ZDHHC21: variants seen among roughly 807,000 people sequenced by gnomAD.
The protein encoded by ZDHHC21 is zDHHC palmitoyltransferase 21.
ZDHHC21 carries 15 observed loss-of-function variants against 34.6 expected under a neutral mutation model. The ratio of observed to expected loss-of-function variants is 0.43; its 90% CI spans 0.29 to 0.67. The LOEUF (loss-of-function observed/expected upper bound fraction) is 0.67. Among genes scored for constraint, ZDHHC21 ranks in the 30% least tolerant of loss-of-function variants. The pLI, the probability that ZDHHC21 is intolerant of heterozygous loss-of-function variation, is 0.14. For synonymous variants in ZDHHC21, 142 were observed against 101.8 expected (o/e 1.40, Z -2.38); for missense variants, 344 against 327.7 (o/e 1.05, Z -0.38).
intron 7 of ZDHHC21, among the ~76,000 whole-genome samples, chr9:14,640,317 A>T (rs1187071845): frequency 3.3e-5 from 5 of 150,592 alleles, no homozygotes. Flanking sequence ...GGAAAAAAAA[A>T]AAAAAAAAGA....
rs1311986482 is a variant in ZDHHC21, at chr9:14,618,784, A to C, written c.*182T>G. 3.8e-6 allele frequency: 2 copies of C among 522,406 alleles called. No individual in the cohort carries two copies. Among genetic ancestry groups the C allele is most frequent in the African/African-American group, 3.9e-5 (2 of 50,716 alleles). The allele number at this position is 522,406 out of a possible 1,614,324, so 32.4% of individuals were successfully genotyped here. A position where few individuals can be genotyped will look rare whatever the true frequency, so the allele number is the denominator to read the frequency against. ...AACATGCTTTAAAACTTAAATATAG[A>C]TCTTGTATTAGTCCCACAACAGGAT... On this transcript the variant is annotated 3_prime_UTR_variant, in exon 10 of 10. Transcript: ENST00000380916.
chr9:14,609,750 G>A (rs1329802322), downstream of ZDHHC21, among the ~76,000 whole-genome samples: 1 of 152,050 alleles, frequency 6.6e-6, no homozygotes, highest in Non-Finnish European at 1.5e-5. Context: ...AACACGAAAA[G>A]TTCCTTGGTA....
intron 8 of ZDHHC21, chr9:14,622,667 T>G: frequency 1.0e-6 from 1 of 985,210 alleles, no homozygotes; most frequent in Non-Finnish European, 1.2e-6. Flanking sequence ...GGAGAAAGAA[T>G]GTGCTGAAGA....
intron 2 of ZDHHC21, among the ~76,000 whole-genome samples, chr9:14,686,566 G>C (rs1838355163): frequency 6.6e-6 from 1 of 152,100 alleles, no homozygotes; most frequent in Non-Finnish European, 1.5e-5. Flanking sequence ...CTTTTCTATG[G>C]TCCATAGTTA....
chr9:14,685,390 A>G (rs571282048), intron 2 of ZDHHC21, among the ~76,000 whole-genome samples: 8 of 151,296 alleles, frequency 5.3e-5, no homozygotes, highest in East Asian at 1.9e-4. Context: ...AAAAGTGGGC[A>G]AAGGATATGA....
intron 3 of ZDHHC21, among the ~76,000 whole-genome samples, chr9:14,675,863 T>G (rs1836281193): frequency 6.6e-6 from 1 of 151,930 alleles, no homozygotes; most frequent in Admixed American, 6.6e-5. Context: ...GTAAAAGTTA[T>G]CTAAGCAATG....
chr9:14,628,393 A>T (rs1826690059), intron 8 of ZDHHC21, among the ~76,000 whole-genome samples: 1 of 152,182 alleles, frequency 6.6e-6, no homozygotes, highest in Non-Finnish European at 1.5e-5. Flanking sequence ...AATGGTAAAA[A>T]ATTACTGAAA....
rs1231219698 is a variant in ZDHHC21 at position 14,614,364 on chromosome 9, G to A, written c.*4602C>T. 3 of 151,694 alleles carry A rather than the reference G, an allele frequency of 2.0e-5. No homozygotes were observed. 9.4% of individuals were successfully genotyped at this position (151,694 alleles called of 1,614,324 possible). A position where few individuals can be genotyped will look rare whatever the true frequency, so the allele number is the denominator to read the frequency against. ...AGCAGGCAGTATTGTAACATCTGAAGAACTGACAAAGATATAGTGAGTTTT... is the reference window on the plus strand; with the variant it reads ...AGCAGGCAGTATTGTAACATCTGAAAAACTGACAAAGATATAGTGAGTTTT... On this transcript the variant is annotated 3_prime_UTR_variant, in exon 10 of 10. Transcript: ENST00000380916.
chr9:14,603,010 C>A, the ZDHHC21 span, among the ~76,000 whole-genome samples: 2 of 148,118 alleles, frequency 1.4e-5, no homozygotes. Context: ...CTTACAGTCA[C>A]AGAAAACAGG....
chr9:14,620,226 T>A (rs1032758704), intron 8 of ZDHHC21, among the ~76,000 whole-genome samples: 2 of 151,994 alleles, frequency 1.3e-5, no homozygotes, highest in Non-Finnish European at 2.9e-5. Flanking sequence ...GCGGAAAAAA[T>A]AACTTTTTTG....
chr9:14,664,044 C>A lies in ZDHHC21; in HGVS notation c.254-1718G>T, dbSNP rs554216490. ...ATAGGAACAGCTCCGGTCTACAGCT[C>A]CCAGCGTGAGCGACGCAGAAGACGG... On this transcript the variant is annotated intron_variant, in intron 5 of 9. Transcript: ENST00000380916. Among the ~76,000 whole-genome samples, 676 of 151,958 alleles carry A rather than the reference C, an allele frequency of 4.4e-3. 7 individuals are homozygous for A. The highest frequency in any genetic ancestry group is 0.014 in the Middle Eastern group (4 of 292).
intron 8 of ZDHHC21, among the ~76,000 whole-genome samples, chr9:14,634,805 GCA>G (rs1827983746): frequency 6.6e-6 from 1 of 151,912 alleles, no homozygotes; most frequent in Non-Finnish European, 1.5e-5. Flanking sequence ...AGGAAATATG[GCA>G]CTCCAAAGAA....
rs567009584 is a variant in ZDHHC21, at chr9:14,639,381, C to T, written c.621+515G>A. On this transcript the variant is annotated intron_variant, in intron 8 of 9. Coordinates refer to ENST00000380916, the MANE Select transcript of ZDHHC21 (RefSeq NM_178566.6). ...AAGGGTGCATGGGTGGAGCGGGGGA[C>T]GAAGAGAGTGTGGTTAATGGTTATA... Among the ~76,000 whole-genome samples, 9 of 151,836 alleles carry T rather than the reference C, an allele frequency of 5.9e-5. No homozygotes were observed. The East Asian group carries it at 7.7e-4, about 13-fold the overall frequency.
At chr9:14,606,456 T>A (rs1391697682), downstream of ZDHHC21, among the ~76,000 whole-genome samples, 1 of 152,200 alleles carries the variant, frequency 6.6e-6, no homozygotes, top group Non-Finnish European at 1.5e-5. Flanking sequence ...ACAGCCAGCA[T>A]CAACCATCAG....
chr9:14,663,959 T>G (rs930685122), intron 5 of ZDHHC21, among the ~76,000 whole-genome samples: 1 of 152,158 alleles, frequency 6.6e-6, no homozygotes, highest in African/African-American at 2.4e-5. Context: ...CTTAGCTCAA[T>G]GCTCCCAAAC....
chr9:14,653,584 C>T (rs1587158892), intron 7 of ZDHHC21, among the ~76,000 whole-genome samples: 2 of 151,808 alleles, frequency 1.3e-5, no homozygotes. Context: ...GCAATGACCT[C>T]CTTCATCTCC....
chr9:14,647,291 A>C (rs1830419746), intron 7 of ZDHHC21, among the ~76,000 whole-genome samples: 3 of 152,150 alleles, frequency 2.0e-5, no homozygotes, highest in Admixed American at 2.0e-4. Flanking sequence ...CTCTTAATGC[A>C]AGCTAAATGA....
chr9:14,675,235 C>T (rs1340507072), intron 3 of ZDHHC21, among the ~76,000 whole-genome samples: 1 of 151,612 alleles, frequency 6.6e-6, no homozygotes, highest in African/African-American at 2.4e-5. Flanking sequence ...AAAAAAGTGA[C>T]TAAAAATACA....
At chr9:14,645,912 T>C (rs1191777619) in intron 7 of ZDHHC21, among the ~76,000 whole-genome samples, 3 of 152,110 alleles carry the variant, frequency 2.0e-5, no homozygotes, top group Non-Finnish European at 2.9e-5. Context: ...GATTTAAGTA[T>C]TAGTAAGGAT....
Sources: gnomAD v4.1 joint callset for allele counts (sites outside exome capture counted in the v4.1 genomes callset) on GRCh38, gnomAD v4.1.1 for gene constraint, MANE v1.5 for transcripts, NCBI Gene and HGNC (gene_info 2026-07-23, HGNC 2026-07-21) for gene names.